KCTD1: variants seen among roughly 807,000 people sequenced by gnomAD.
KCTD1 encodes potassium channel tetramerization domain containing 1.
A neutral mutation model predicts 66.0 loss-of-function variants in KCTD1; 24 were observed. The observed-to-expected ratio is 0.36, with a 90% CI of 0.26 to 0.51. The LOEUF (loss-of-function observed/expected upper bound fraction) is 0.51. KCTD1 is among the 20% of genes least tolerant of loss of function. The pLI is 0.95. For missense variants in KCTD1, 943 were observed against 1,205.2 expected, an observed-to-expected ratio of 0.78 and a Z score of 3.22; for synonymous variants, 511 against 517.2, an observed-to-expected ratio of 0.99 and a Z score of 0.16.
intron 3 of KCTD1, among the ~76,000 whole-genome samples, chr18:26,471,136 G>C (rs907356969): frequency 6.6e-6 from 1 of 152,092 alleles, no homozygotes; most frequent in Non-Finnish European, 1.5e-5. Context: ...CAACAAAGCC[G>C]AGTATACAGC....
chr18:26,651,799 A>AGAAG (rs1160240200), intron 1 of KCTD1, among the ~76,000 whole-genome samples: 2,538 of 117,060 alleles, frequency 0.022, 103 homozygotes, highest in African/African-American at 0.086. Flanking sequence ...AAAAAAAAAA[A>AGAAG]AAGAAGAAGA....
chr18:26,656,712 G>T (rs1476383852), intron 1 of KCTD1, among the ~76,000 whole-genome samples: 1 of 151,648 alleles, frequency 6.6e-6, no homozygotes, highest in African/African-American at 2.4e-5. Context: ...GCGAGAAGGG[G>T]GCGGCGGGGC....
At chr18:26,491,043 G>A (rs924287466) in intron 2 of KCTD1, among the ~76,000 whole-genome samples, 26 of 152,100 alleles carry the variant, frequency 1.7e-4, no homozygotes, top group Middle Eastern at 3.2e-3. Context: ...GTGAGCCACC[G>A]CACCTGGCCC....
At chr18:26,508,887 T>C (rs548361031) in intron 1 of KCTD1, among the ~76,000 whole-genome samples, 1 of 152,230 alleles carries the variant, frequency 6.6e-6, no homozygotes, top group South Asian at 2.1e-4. Context: ...GGGAGTGTTG[T>C]TTCAGGAATG....
intron 3 of KCTD1, among the ~76,000 whole-genome samples, chr18:26,467,734 G>C (rs1980821951): frequency 6.6e-6 from 1 of 151,676 alleles, no homozygotes; most frequent in Non-Finnish European, 1.5e-5. Context: ...AGAATCACTT[G>C]AACCCAGGAG....
At chr18:26,509,852 G>A (rs1240350926) in intron 1 of KCTD1, among the ~76,000 whole-genome samples, 3 of 152,158 alleles carry the variant, frequency 2.0e-5, no homozygotes, top group African/African-American at 4.8e-5. Context: ...CGCCCGCCCC[G>A]TGCGATCTCT....
intron 2 of KCTD1, among the ~76,000 whole-genome samples, chr18:26,493,290 T>G (rs909551143): frequency 7.9e-5 from 12 of 152,232 alleles, no homozygotes; most frequent in Non-Finnish European, 1.5e-4. Flanking sequence ...AGAGTGGCCT[T>G]CATTTTCATA....
chr18:26,459,624 A>C lies in KCTD1; in HGVS notation c.2435T>G (p.Val812Gly), dbSNP rs761255025. The change falls in exon 4 of 5, where the codon GTC (valine) becomes GGC (glycine). Residue 812 changes from valine (V) to glycine (G), a missense_variant. Physicochemically the swap from Val to Gly is moderately radical, Grantham distance 109 (BLOSUM62 -3). This residue lies in a region of KCTD1 where 162 missense variants were observed against 232.4 expected (regional missense o/e 0.70). Coordinates refer to ENST00000580059, the MANE Select transcript of KCTD1 (RefSeq NM_001142730.3). ...PLNGYCHLNS[V>G]QVLERLQQRG... Reference sequence around the variant, plus strand: ...CAGTGCGTAACAATGCTATACCTGGACTGAGTTGAGGTGACAGTAGCCATT... The same window carrying C: ...CAGTGCGTAACAATGCTATACCTGGCCTGAGTTGAGGTGACAGTAGCCATT... 1 of 1,589,450 alleles carries C rather than the reference A, an allele frequency of 6.3e-7. No individual in the cohort carries two copies. The highest frequency in any genetic ancestry group is 1.3e-5 in the African/African-American group (1 of 74,700).
intron 3 of KCTD1, among the ~76,000 whole-genome samples, chr18:26,464,310 A>C (rs946578983): frequency 2.6e-5 from 4 of 152,152 alleles, no homozygotes; most frequent in Admixed American, 2.6e-4. Flanking sequence ...CATGGCCAGC[A>C]AGCACATCAC....
At chr18:26,497,052 T>C (rs1251498812) in intron 2 of KCTD1, among the ~76,000 whole-genome samples, 1 of 152,186 alleles carries the variant, frequency 6.6e-6, no homozygotes, top group Non-Finnish European at 1.5e-5. Context: ...TAGTCCATCA[T>C]AGTACTTTTT....
At chr18:26,500,953 C>A (rs1982727987) in intron 2 of KCTD1, 119 bp downstream of exon 2, 1 of 1,114,356 alleles carries the variant, frequency 9.0e-7, no homozygotes. Context: ...GTGGCTCACA[C>A]AGCACTTTCA....
intron 1 of KCTD1, among the ~76,000 whole-genome samples, chr18:26,535,971 C>CAAAAAAAA (rs36119174): frequency 0.019 from 2,366 of 121,974 alleles, 48 homozygotes; most frequent in East Asian, 0.029. Context: ...GTGATTCCTC[C>CAAAAAAAA]AAAAAAAAAA....
upstream of KCTD1, among the ~76,000 whole-genome samples, chr18:26,642,470 C>A (rs1987851236): frequency 6.6e-6 from 1 of 152,090 alleles, no homozygotes; most frequent in South Asian, 2.1e-4. Context: ...AAGAATAAAC[C>A]AGCTTCCCAA....
chr18:26,643,997 T>C (rs1987886388), upstream of KCTD1, among the ~76,000 whole-genome samples: 1 of 152,046 alleles, frequency 6.6e-6, no homozygotes, highest in South Asian at 2.1e-4. Flanking sequence ...TGAGCTAACA[T>C]GACTGCCACC....
intron 1 of KCTD1, among the ~76,000 whole-genome samples, chr18:26,602,289 T>C (rs533813): frequency 0.52 from 79,492 of 151,942 alleles, 20,841 homozygotes; most frequent in South Asian, 0.56. Flanking sequence ...ACCAACCGTG[T>C]CTTCTTGGGA....
chr18:26,624,249 G>T (rs1042347140), intron 1 of KCTD1, among the ~76,000 whole-genome samples: 2 of 152,244 alleles, frequency 1.3e-5, no homozygotes, highest in African/African-American at 2.4e-5. Flanking sequence ...GCCAGCTGCA[G>T]AAATTTGCAT....
At chr18:26,601,333 A>T (rs1194019232) in intron 1 of KCTD1, among the ~76,000 whole-genome samples, 2 of 150,602 alleles carry the variant, frequency 1.3e-5, no homozygotes, top group African/African-American at 4.9e-5. Context: ...TGGTAAAAAA[A>T]AAAAAAAAAA....
intron 1 of KCTD1, among the ~76,000 whole-genome samples, chr18:26,559,524 C>T (rs1464360827): frequency 6.6e-6 from 1 of 152,152 alleles, no homozygotes; most frequent in Non-Finnish European, 1.5e-5. Flanking sequence ...GGTTCCTGGA[C>T]CCCATTGTGA....
intron 2 of KCTD1, among the ~76,000 whole-genome samples, chr18:26,492,956 T>C (rs778258167): frequency 3.9e-5 from 6 of 152,242 alleles, no homozygotes; most frequent in Admixed American, 6.5e-5. Flanking sequence ...ACTCAATTAT[T>C]TTCCCTTCAT....
Sources: allele counts gnomAD v4.1 joint callset (sites outside exome capture counted in the v4.1 genomes callset), GRCh38; gene constraint gnomAD v4.1.1; regional missense constraint gnomAD v4.1.1; transcripts MANE v1.5; gene names NCBI Gene and HGNC (gene_info 2026-07-23, HGNC 2026-07-21).